The following SLC39A11 variants were observed in gnomAD, a reference collection of about 807,000 sequenced individuals.
SLC39A11 encodes zinc transporter ZIP11.
Under a neutral mutation model 36.1 loss-of-function variants are expected in SLC39A11, and 33 were observed. The observed-to-expected ratio is 0.91, with a 90% CI of 0.69 to 1.22. The LOEUF (loss-of-function observed/expected upper bound fraction) is 1.22, where lower values mean the gene tolerates loss of function less well. Ranked by LOEUF, SLC39A11 falls within the 50% of genes most tolerant of loss-of-function variation. SLC39A11 has a pLI of 0.00. For synonymous variants in SLC39A11, 166 were observed against 170.3 expected, an observed-to-expected ratio of 0.97 and a Z score of 0.20; for missense variants, 432 against 430.3, an observed-to-expected ratio of 1.00 and a Z score of -0.03.
At chr17:72,969,050 C>T (rs1424076484) in intron 4 of SLC39A11, among the ~76,000 whole-genome samples, 2 of 151,958 alleles carry the variant, frequency 1.3e-5, no homozygotes, top group Non-Finnish European at 2.9e-5. Context: ...TCTGGAGGCA[C>T]GGGGCTCTCG....
In SLC39A11 at chr17:72,769,064, T is replaced by A. The variant is rs569257193; in HGVS notation, c.602-32345A>T. On this transcript the variant is annotated intron_variant, in intron 6 of 9. Transcript: ENST00000255559. Reference sequence around the variant, plus strand: ...CGTGAGCCACTGCGCCCAGCCAACTTCTTGGCTTTTAGATCACATTTAACA... The same window carrying A: ...CGTGAGCCACTGCGCCCAGCCAACTACTTGGCTTTTAGATCACATTTAACA... Among the ~76,000 whole-genome samples the A allele has an allele frequency of 3.3e-5, 5 of 152,234 alleles. No homozygotes were observed. In the East Asian group the frequency reaches 9.7e-4, roughly 29 times the overall value.
intron 3 of SLC39A11, among the ~76,000 whole-genome samples, chr17:73,075,407 C>G (rs1276475617): frequency 1.3e-5 from 2 of 152,194 alleles, no homozygotes; most frequent in East Asian, 3.8e-4. Context: ...ATCCTACCTC[C>G]GCCATTATCT....
At chr17:72,934,231 A>G (rs2147480112) in intron 5 of SLC39A11, among the ~76,000 whole-genome samples, 1 of 152,348 alleles carries the variant, frequency 6.6e-6, no homozygotes, top group Middle Eastern at 3.4e-3. Flanking sequence ...AGAAAAACTG[A>G]TAAATTGGCA....
chr17:72,858,833 A>T (rs1484868295), intron 5 of SLC39A11, among the ~76,000 whole-genome samples: 1 of 152,186 alleles, frequency 6.6e-6, no homozygotes, highest in Non-Finnish European at 1.5e-5. Flanking sequence ...GATTTTGTAT[A>T]CTGACACTTT....
chr17:72,692,795 C>T (rs2072096678), intron 7 of SLC39A11, among the ~76,000 whole-genome samples: 1 of 152,104 alleles, frequency 6.6e-6, no homozygotes, highest in South Asian at 2.1e-4. Context: ...CTTGTACACA[C>T]AGGACAACTT....
At chr17:72,779,316 T>C (rs2076230959) in intron 6 of SLC39A11, among the ~76,000 whole-genome samples, 1 of 152,020 alleles carries the variant, frequency 6.6e-6, no homozygotes, top group Admixed American at 6.6e-5. Context: ...TGGTGGCTGC[T>C]TGGGAGGCTG....
At chr17:72,648,562 G>A (rs4567769) in intron 9 of SLC39A11, among the ~76,000 whole-genome samples, 4 of 152,034 alleles carry the variant, frequency 2.6e-5, no homozygotes, top group South Asian at 4.2e-4. Flanking sequence ...ATCAAGGGAC[G>A]GGGGGCAGGT....
chr17:72,659,019 C>T (rs536880533), intron 7 of SLC39A11, among the ~76,000 whole-genome samples: 3 of 152,270 alleles, frequency 2.0e-5, no homozygotes, highest in Non-Finnish European at 4.4e-5. Flanking sequence ...TGTGCCTTAG[C>T]CTTCTCAATT....
intron 4 of SLC39A11, among the ~76,000 whole-genome samples, chr17:72,974,431 C>A (rs1189154029): frequency 4.6e-3 from 603 of 132,092 alleles, no homozygotes; most frequent in Middle Eastern, 0.011. Flanking sequence ...CATTTTGTAC[C>A]AAAAAAAAAA....
intron 4 of SLC39A11, among the ~76,000 whole-genome samples, chr17:73,008,295 C>A (rs866702040): frequency 6.6e-6 from 1 of 151,990 alleles, no homozygotes; most frequent in Middle Eastern, 3.4e-3. Flanking sequence ...CTGCACCCAG[C>A]AGAAACATAT....
chr17:72,695,577 T>C (rs1372123289), intron 7 of SLC39A11, among the ~76,000 whole-genome samples: 1 of 152,078 alleles, frequency 6.6e-6, no homozygotes, highest in Non-Finnish European at 1.5e-5. Flanking sequence ...CCCCAAAAGA[T>C]AGCCATGTCC....
intron 7 of SLC39A11, among the ~76,000 whole-genome samples, chr17:72,736,063 T>C (rs750992422): frequency 1.3e-5 from 2 of 152,200 alleles, no homozygotes; most frequent in Non-Finnish European, 2.9e-5. Context: ...AAGACTCAGC[T>C]GGAGCTTGAC....
chr17:72,885,012 G>C (rs1270988163), intron 5 of SLC39A11, among the ~76,000 whole-genome samples: 2 of 152,120 alleles, frequency 1.3e-5, no homozygotes, highest in African/African-American at 2.4e-5. Flanking sequence ...TTGACAAAGG[G>C]GCTGGAGCAC....
At chr17:72,921,561 G>A (rs2083670229) in intron 5 of SLC39A11, among the ~76,000 whole-genome samples, 1 of 152,172 alleles carries the variant, frequency 6.6e-6, no homozygotes, top group Admixed American at 6.5e-5. Flanking sequence ...CTAAGGAAGA[G>A]CCTGAGGACA....
chr17:72,973,293 G>A lies in SLC39A11; in HGVS notation c.307-25418C>T, dbSNP rs138858241. Among the ~76,000 whole-genome samples the A allele has an allele frequency of 8.7e-5, 12 of 137,818 alleles. No individual in the cohort carries two copies. In the East Asian group the frequency reaches 2.2e-3, roughly 25 times the overall value. The allele number at this position is 137,818 out of a possible 152,430, so 90.4% of individuals were successfully genotyped here. A position where few individuals can be genotyped will look rare whatever the true frequency, so the allele number is the denominator to read the frequency against. ...GAAGGACCAGGGTCAGCCATCCAGC[G>A]GGTACAGTGGCCCCAGCACTGCCGG... On this transcript the variant is annotated intron_variant, in intron 4 of 9. Transcript: ENST00000255559.
chr17:73,044,148 A>G (rs987650278), intron 3 of SLC39A11, among the ~76,000 whole-genome samples: 1 of 151,892 alleles, frequency 6.6e-6, no homozygotes, highest in Non-Finnish European at 1.5e-5. Context: ...TTTTGCTTAA[A>G]TAAGAAAAAA....
intron 3 of SLC39A11, among the ~76,000 whole-genome samples, chr17:73,071,823 G>A (rs750356099): frequency 1.3e-5 from 2 of 152,234 alleles, no homozygotes; most frequent in African/African-American, 2.4e-5. Context: ...GCAGCAGGCC[G>A]AATTTAAGGC....
intron 3 of SLC39A11, among the ~76,000 whole-genome samples, chr17:73,055,660 C>T (rs1277071991): frequency 1.3e-5 from 2 of 151,952 alleles, no homozygotes; most frequent in East Asian, 1.9e-4. Flanking sequence ...TGGAGGGGAG[C>T]GGAGACCTCC....
At chr17:72,994,913 C>T (rs1291864892) in intron 4 of SLC39A11, among the ~76,000 whole-genome samples, 1 of 152,128 alleles carries the variant, frequency 6.6e-6, no homozygotes, top group African/African-American at 2.4e-5. Context: ...TATTACCCGA[C>T]AAAGCATGGT....
Sources: gnomAD v4.1 joint callset for allele counts (sites outside exome capture counted in the v4.1 genomes callset) on GRCh38, gnomAD v4.1.1 for gene constraint, MANE v1.5 for transcripts, NCBI Gene and HGNC (gene_info 2026-07-23, HGNC 2026-07-21) for gene names.